The following ELF1 variants were observed in gnomAD, a reference collection of about 807,000 sequenced individuals.
ELF1 encodes ETS-related transcription factor Elf-1.
In ELF1, 24 loss-of-function variants were observed where a neutral mutation model predicts 59.9. That is an observed-to-expected ratio of 0.40 (90% CI 0.29 to 0.56). The LOEUF is 0.56. ELF1 is among the 20% of genes least tolerant of loss of function. The pLI, the probability that ELF1 is intolerant of heterozygous loss-of-function variation, is 0.44. For synonymous variants in ELF1, 248 were observed against 266.2 expected, an observed-to-expected ratio of 0.93 and a Z score of 0.67; for missense variants, 627 against 742.2, an observed-to-expected ratio of 0.84 and a Z score of 1.80.
At chr13:41,028,370 G>A (rs139860911) in intron 1 of ELF1, among the ~76,000 whole-genome samples, 33 of 152,270 alleles carry the variant, frequency 2.2e-4, no homozygotes, top group Non-Finnish European at 2.5e-4. Flanking sequence ...ATAAGTCAAC[G>A]GGAAACTACA....
At chr13:40,943,749 A>G (rs1870330201) in intron 6 of ELF1, 93 bp downstream of exon 6, 1 of 1,048,850 alleles carries the variant, frequency 9.5e-7, no homozygotes, top group Non-Finnish European at 1.3e-6. Flanking sequence ...CCACTGCAGT[A>G]TATCAAGAAA....
intron 1 of ELF1, among the ~76,000 whole-genome samples, chr13:41,015,327 T>C (rs1214599793): frequency 6.6e-6 from 1 of 150,996 alleles, no homozygotes; most frequent in Non-Finnish European, 1.5e-5. Context: ...GAACAACATA[T>C]AGCACAGCAA....
upstream of ELF1, among the ~76,000 whole-genome samples, chr13:41,022,535 A>G (rs1429433820): frequency 1.3e-5 from 2 of 152,198 alleles, no homozygotes; most frequent in East Asian, 3.8e-4. Flanking sequence ...AAAACTAAAT[A>G]GGGCAAATTG....
intron 1 of ELF1, among the ~76,000 whole-genome samples, chr13:41,057,177 A>G (rs1877317744): frequency 6.7e-6 from 1 of 148,516 alleles, no homozygotes; most frequent in Admixed American, 6.7e-5. Flanking sequence ...TTTAAGAGAT[A>G]AGGTCTTAGG....
At chr13:41,056,983 A>C (rs1476470053) in intron 1 of ELF1, among the ~76,000 whole-genome samples, 2 of 152,188 alleles carry the variant, frequency 1.3e-5, no homozygotes, top group African/African-American at 4.8e-5. Flanking sequence ...GAAGTGGTAG[A>C]TAAGGTAGGA....
chr13:40,984,952 C>T (rs73176917), intron 1 of ELF1, among the ~76,000 whole-genome samples: 28,053 of 152,116 alleles, frequency 0.18, 2,768 homozygotes, highest in East Asian at 0.26. Context: ...GGATAAGCAA[C>T]CAACATACCC....
At chr13:41,014,511 T>C (rs1875246973) in intron 1 of ELF1, among the ~76,000 whole-genome samples, 1 of 152,118 alleles carries the variant, frequency 6.6e-6, no homozygotes, top group African/African-American at 2.4e-5. Flanking sequence ...GAAAAGACAT[T>C]TGTAGTACTG....
intron 1 of ELF1, among the ~76,000 whole-genome samples, chr13:41,049,763 C>T (rs907949654): frequency 1.3e-5 from 2 of 152,222 alleles, no homozygotes; most frequent in African/African-American, 4.8e-5. Context: ...CAGCCCTTCC[C>T]TACACTATGT....
At chr13:40,991,529 A>AC (rs1358979383) in intron 1 of ELF1, among the ~76,000 whole-genome samples, 1 of 152,148 alleles carries the variant, frequency 6.6e-6, no homozygotes, top group East Asian at 1.9e-4. Flanking sequence ...CTCTCGCCTT[A>AC]GTCTCCCAAA....
chr13:40,949,210 C>G (rs1398325501), intron 5 of ELF1, among the ~76,000 whole-genome samples: 4 of 151,194 alleles, frequency 2.6e-5, no homozygotes, highest in Non-Finnish European at 5.9e-5. Context: ...GGTCTCAAAC[C>G]CCTGACCTCA....
At chr13:40,977,564 A>G (rs1872990251) in intron 2 of ELF1, among the ~76,000 whole-genome samples, 1 of 152,194 alleles carries the variant, frequency 6.6e-6, no homozygotes, top group South Asian at 2.1e-4. Flanking sequence ...ACTAATATAT[A>G]TTTATAACCT....
intron 1 of ELF1, among the ~76,000 whole-genome samples, chr13:40,997,804 T>C (rs1447278057): frequency 1.3e-5 from 2 of 152,188 alleles, no homozygotes; most frequent in Non-Finnish European, 2.9e-5. Context: ...CCTACAATCA[T>C]CTTTGTAACT....
chr13:41,000,458 T>C (rs571784135), intron 1 of ELF1, among the ~76,000 whole-genome samples: 12 of 4,350 alleles, frequency 2.8e-3, no homozygotes, highest in East Asian at 0.062. Context: ...CTGACCTTAA[T>C]TGATCCGCTT....
At chr13:40,977,665 C>T (rs770917034) in intron 2 of ELF1, among the ~76,000 whole-genome samples, 33 of 152,234 alleles carry the variant, frequency 2.2e-4, no homozygotes, top group Admixed American at 5.9e-4. Flanking sequence ...TTTTAAAAGT[C>T]ATAAATACTT....
At chr13:40,955,405 C>T (rs1451701288) in intron 3 of ELF1, among the ~76,000 whole-genome samples, 2 of 142,516 alleles carry the variant, frequency 1.4e-5, no homozygotes, top group Admixed American at 6.8e-5. Context: ...GCCAGCTGCC[C>T]ATCCGGGAAG....
intron 2 of ELF1, among the ~76,000 whole-genome samples, chr13:40,967,795 T>G (rs951753263): frequency 1.1e-4 from 16 of 152,054 alleles, no homozygotes; most frequent in African/African-American, 3.4e-4. Context: ...CTCTCTATGT[T>G]GCCCAGGCTG....
chr13:40,943,393 G>A (rs1370750474), intron 6 of ELF1, among the ~76,000 whole-genome samples: 1 of 152,138 alleles, frequency 6.6e-6, no homozygotes, highest in Non-Finnish European at 1.5e-5. Flanking sequence ...TAAGATTTGT[G>A]ATGATTTAGG....
At chr13:41,032,685 A>G (rs909701446) in intron 1 of ELF1, among the ~76,000 whole-genome samples, 6 of 152,042 alleles carry the variant, frequency 3.9e-5, no homozygotes, top group Non-Finnish European at 7.4e-5. Flanking sequence ...CCCTGTCTCT[A>G]CAAAAAATAA....
intron 1 of ELF1, among the ~76,000 whole-genome samples, chr13:41,060,017 C>A (rs1364291047): frequency 2.6e-5 from 4 of 152,228 alleles, no homozygotes; most frequent in Non-Finnish European, 4.4e-5. Context: ...AAAAGATTCT[C>A]GTTCCCAAAG....
Sources: gnomAD v4.1 joint callset for allele counts (sites outside exome capture counted in the v4.1 genomes callset) on GRCh38, gnomAD v4.1.1 for gene constraint, MANE v1.5 for transcripts, NCBI Gene and HGNC (gene_info 2026-07-23, HGNC 2026-07-21) for gene names.